Variants in CASKIN1 observed in about 807,000 individuals in gnomAD.
The protein encoded by CASKIN1 is caskin-1.
Under a neutral mutation model 117.5 loss-of-function variants are expected in CASKIN1, and 42 were observed. The observed-to-expected ratio is 0.36, with a 90% confidence interval of 0.28 to 0.46. CASKIN1 has a LOEUF of 0.46. CASKIN1 is among the 20% of genes least tolerant of loss of function. The pLI is 1.00. For synonymous variants in CASKIN1, 1,148 were observed against 961.7 expected (o/e 1.19, Z -3.59); for missense variants, 2,083 against 2,077.3 (o/e 1.00, Z -0.05).
chr16:2,195,819 G>C (rs959997494), intron 1 of CASKIN1, among the ~76,000 whole-genome samples: 12 of 152,216 alleles, frequency 7.9e-5, no homozygotes, highest in African/African-American at 2.9e-4. Flanking sequence ...GCCATGCCAG[G>C]GCAGCCACAC....
At chr16:2,184,750 C>T (rs376084502) in intron 14 of CASKIN1, 27 bp downstream of exon 14, 30 of 1,472,692 alleles carry the variant, frequency 2.0e-5, no homozygotes, top group Middle Eastern at 2.3e-4. Context: ...CCGGAGCCCA[C>T]GCTGAGAACA....
rs559819233 is a variant in CASKIN1, at chr16:2,182,891, T to C, written c.1629+755A>G. 8.5e-4 allele frequency among the ~76,000 whole-genome samples: 129 copies of C among 152,302 alleles called. No individual in the cohort carries two copies. The highest frequency in any genetic ancestry group is 1.7e-3 in the Non-Finnish European group (115 of 68,006). On this transcript the variant is annotated intron_variant, in intron 16 of 19. Coordinates refer to ENST00000343516, the MANE Select transcript of CASKIN1 (RefSeq NM_020764.4). This position sits in a 1 kb window ranked among gnomAD's most constrained non-coding sequence, Gnocchi z 4.1. ...CTGCAAGCTCCGCCTCCCGGGTTCA[T>C]GCCATTCTCCTGCCTCAGACTCCCA...
At position 2,179,951 on chromosome 16, in the gene CASKIN1, C is replaced by G; in HGVS notation, c.3417G>C (p.Lys1139Asn). ...CCGTGTCAGACTCGGTCAGGATGAA[C>G]TTGACGTTCTCCTGCTGGTTCTGCT... ...RAKQNQQENV[K>N]FILTESDTVK... Residue 1139 changes from lysine to asparagine, a missense_variant, in exon 18 of 20, where the codon AAG (lysine) becomes AAC (asparagine). Lys to Asn is a moderately conservative substitution (Grantham distance 94). Coordinates refer to ENST00000343516, the MANE Select transcript of CASKIN1 (RefSeq NM_020764.4). This position sits in a 1 kb window ranked among gnomAD's most constrained non-coding sequence, Gnocchi z 5.8. The G allele has an allele frequency of 6.2e-7, 1 of 1,606,630 alleles. No homozygotes were observed. Among genetic ancestry groups the G allele is most frequent in the South Asian group, 1.1e-5 (1 of 89,944 alleles).
rs915700559 is a variant in CASKIN1 at position 2,196,546 on chromosome 16, T to C, written c.-114A>G. 63 of 258,834 alleles carry C rather than the reference T, an allele frequency of 2.4e-4. No homozygotes were observed. In the East Asian group the frequency reaches 5.0e-3, roughly 20 times the overall value. The allele number at this position is 258,834 out of a possible 1,614,324, so 16.0% of individuals were successfully genotyped here. A position where few individuals can be genotyped will look rare whatever the true frequency, so the allele number is the denominator to read the frequency against. On this transcript the variant is annotated 5_prime_UTR_variant, in exon 1 of 20. Coordinates refer to ENST00000343516, the MANE Select transcript of CASKIN1 (RefSeq NM_020764.4). The surrounding 1 kb of genome is among the most constrained non-coding windows in gnomAD (Gnocchi z 5.7). ...CCCCGCCGCCTCCCCCGCCGCCTCC[T>C]CGCCGCCCGCCGCCCCTTCGCCCTC...
Position 2,182,515 on chromosome 16 carries a change from G to A in CASKIN1, c.1630-586C>T, listed in dbSNP as rs1012834787. Among the ~76,000 whole-genome samples, 8 of 152,012 alleles carry A rather than the reference G, an allele frequency of 5.3e-5. No individual in the cohort carries two copies. Among genetic ancestry groups the A allele is most frequent in the Non-Finnish European group, 1.0e-4 (7 of 68,032 alleles). On this transcript the variant is annotated intron_variant, in intron 16 of 19. Transcript: ENST00000343516. The surrounding 1 kb of genome is among the most constrained non-coding windows in gnomAD (Gnocchi z 4.1). The stretch of plus-strand genomic sequence containing the variant: ...ACACTTCCAGCTGGAATTCACTCAT[G>A]CAACTGCTCTTGAACACTCAGCCAC...
At chr16:2,183,982 G>T (rs1230572913) in intron 14 of CASKIN1, 41 bp from the exon 15 acceptor site, 1 of 1,361,596 alleles carries the variant, frequency 7.3e-7, no homozygotes, top group Middle Eastern at 2.4e-4. Context: ...CGCCTGCCCG[G>T]CCGCGCCCTG....
chr16:2,187,257 G>A lies in CASKIN1; in HGVS notation c.744C>T (p.His248=), dbSNP rs776777818. ...CTGTCTGGCTGTAGGTGTTCCTCAC[G>A]TGGGCATTGATCCCGCTCTGCACAT... is the stretch of plus-strand genomic sequence containing the variant. ...RLLLDSGINA[H]VRNTYSQTAL... Residue 248 remains histidine, a synonymous_variant, in exon 8 of 20, where the codon CAC becomes CAT. Transcript: ENST00000343516. 2.0e-5 allele frequency: 33 copies of A among 1,613,910 alleles called. No individual in the cohort carries two copies. Among genetic ancestry groups the A allele is most frequent in the Admixed American group, 1.0e-4 (6 of 59,998 alleles).
chr16:2,183,616 G>A lies in CASKIN1; in HGVS notation c.1629+30C>T, dbSNP rs769529128. 15 of 1,606,668 alleles carry A rather than the reference G, an allele frequency of 9.3e-6. No homozygotes were observed. In the East Asian group the frequency reaches 3.3e-4, roughly 36 times the overall value. On this transcript the variant is annotated intron_variant, in intron 16 of 19. Transcript: ENST00000343516. Reference sequence around the variant, plus strand: ...CTGTCTGTCTGTCTGCCCGTCCTGGGCCCAGCCCCTGGGATGCAGGTGGCC... The same window carrying A: ...CTGTCTGTCTGTCTGCCCGTCCTGGACCCAGCCCCTGGGATGCAGGTGGCC...
chr16:2,190,666 GGCACACACATGTGCAC>G (rs1385032761), intron 1 of CASKIN1, among the ~76,000 whole-genome samples: 1 of 152,182 alleles, frequency 6.6e-6, no homozygotes, highest in Non-Finnish European at 1.5e-5. Context: ...CACCCACACA[GGCACACACATGTGCAC>G]GCACACCCCT....
intron 12 of CASKIN1, 21 bp downstream of exon 12, chr16:2,185,090 C>T (rs1427924440): frequency 1.9e-6 from 3 of 1,609,100 alleles, no homozygotes; most frequent in African/African-American, 2.7e-5. Context: ...CCACCCTGGC[C>T]CTGGCCACTA....
In CASKIN1 at chr16:2,180,578, G is replaced by C; in HGVS notation, c.2790C>G (p.Val930=). The C allele has an allele frequency of 6.4e-7, 1 of 1,568,996 alleles. No individual in the cohort carries two copies. The highest frequency in any genetic ancestry group is 8.6e-7 in the Non-Finnish European group (1 of 1,164,346). Residue 930 remains valine (V), a synonymous_variant, in exon 18 of 20, where the codon GTC becomes GTG. Coordinates refer to ENST00000343516, the MANE Select transcript of CASKIN1 (RefSeq NM_020764.4). The part of the protein sequence containing the change: ...VRAPAGADKN[V]NRSQSFAVRP... ...GCACGGCAAAGGACTGGCTGCGGTT[G>C]ACGTTCTTGTCGGCACCTGCGGGCG...
intron 1 of CASKIN1, 125 bp from the exon 2 acceptor site, chr16:2,190,483 ACACT>A (rs1344642279): frequency 4.7e-6 from 4 of 848,542 alleles, no homozygotes; most frequent in Middle Eastern, 3.4e-4. Context: ...CAGTCTGCAG[ACACT>A]CACTCGTCCA....
Position 2,183,844 on chromosome 16 carries a change from C to T in CASKIN1, c.1514G>A (p.Arg505His), listed in dbSNP as rs1044937530. 8.1e-6 allele frequency: 13 copies of T among 1,612,642 alleles called. No individual in the cohort carries two copies. Among genetic ancestry groups the T allele is most frequent in the Admixed American group, 3.3e-5 (2 of 59,990 alleles). ...TGGAAAGCTCACCTCGGGAGTCATG[C>T]GGCTGATGGTGGGCAGGTCGTAGCC... ...SAGYDLPTIS[R>H]MTPEDLTAIG... is the part of the protein sequence containing the mutation. Residue 505 changes from arginine (R) to histidine (H), a missense_variant, in exon 15 of 20, where the codon CGC becomes CAC. By Grantham distance (29) the Arg-to-His change is conservative (BLOSUM62 0). This residue lies in a region of CASKIN1 where 1,818 missense variants were observed against 1,688.9 expected (regional missense o/e 1.08). Coordinates refer to ENST00000343516, the MANE Select transcript of CASKIN1 (RefSeq NM_020764.4).
chr16:2,180,488 G>C lies in CASKIN1; in HGVS notation c.2880C>G (p.Ala960=). Residue 960 remains alanine, a synonymous_variant, in exon 18 of 20, where the codon GCC becomes GCG. Transcript: ENST00000343516. ...PKRSSSALAS[A]NLADEPVPDA... The stretch of plus-strand genomic sequence containing the variant: ...CAGGCACCGGCTCATCCGCCAGGTT[G>C]GCACTAGCCAGGGCCGAGCTGGAGC... 6.4e-7 allele frequency: 1 copy of C among 1,550,864 alleles called. No homozygotes were observed. Among genetic ancestry groups the C allele is most frequent in the Non-Finnish European group, 8.7e-7 (1 of 1,154,546 alleles).
Position 2,178,491 on chromosome 16 carries a change from G to T in CASKIN1, c.*59C>A. 3 of 1,384,688 alleles carry T rather than the reference G, an allele frequency of 2.2e-6. No homozygotes were observed. The highest frequency in any genetic ancestry group is 2.9e-6 in the Non-Finnish European group (3 of 1,028,566). 85.8% of individuals were successfully genotyped at this position (1,384,688 alleles called of 1,614,324 possible). Reference sequence around the variant, plus strand: ...CGCGCCCAGACGCGCCCATCCTGAGGTATAGGTCAGTGTGCGGGGAGGGCC... The same window carrying T: ...CGCGCCCAGACGCGCCCATCCTGAGTTATAGGTCAGTGTGCGGGGAGGGCC... On this transcript the variant is annotated 3_prime_UTR_variant, in exon 20 of 20. Transcript: ENST00000343516.
At chr16:2,195,463 C>G (rs914312550) in intron 1 of CASKIN1, among the ~76,000 whole-genome samples, 3 of 152,250 alleles carry the variant, frequency 2.0e-5, no homozygotes, top group African/African-American at 7.2e-5. Context: ...CACGGCTATA[C>G]GTGCGCAGCC....
At chr16:2,189,733 G>A (rs2093195692) in intron 3 of CASKIN1, among the ~76,000 whole-genome samples, 169 bp from the exon 4 acceptor site, 1 of 151,496 alleles carries the variant, frequency 6.6e-6, no homozygotes, top group Non-Finnish European at 1.5e-5. Context: ...TGGGGGCGGG[G>A]GTTTGCTGGG....
rs915055946 is a variant in CASKIN1 at position 2,182,680 on chromosome 16, C to T, written c.1630-751G>A. On this transcript the variant is annotated intron_variant, in intron 16 of 19. Transcript: ENST00000343516. This position sits in a 1 kb window ranked among gnomAD's most constrained non-coding sequence, Gnocchi z 4.1. ...TTTGACAGCCACCGATCGCCTCTCCCGTTGGGAGCCCAGAGCTCAGTGTGA... is the reference window on the plus strand; with the variant it reads ...TTTGACAGCCACCGATCGCCTCTCCTGTTGGGAGCCCAGAGCTCAGTGTGA... Among the ~76,000 whole-genome samples, 1 of 152,358 alleles carries T rather than the reference C, an allele frequency of 6.6e-6. No individual in the cohort carries two copies. The highest frequency in any genetic ancestry group is 1.5e-5 in the Non-Finnish European group (1 of 68,042).
chr16:2,181,572 A>G lies in CASKIN1; in HGVS notation c.1796T>C (p.Val599Ala), dbSNP rs1268539336. 1.3e-6 allele frequency: 2 copies of G among 1,571,428 alleles called. No individual in the cohort carries two copies. The highest frequency in any genetic ancestry group is 1.9e-5 in the Admixed American group (1 of 53,884). Residue 599 changes from valine to alanine, a missense_variant, in exon 18 of 20, where the codon GTG (valine) becomes GCG (alanine). Val to Ala is a moderately conservative substitution (Grantham distance 64). Coordinates refer to ENST00000343516, the MANE Select transcript of CASKIN1 (RefSeq NM_020764.4). ...CTTCTGCAGCTCTGCCAGCTTCCTCACAGCGAGCATCAGCTTCTTCTGGTG... is the reference window on the plus strand; with the variant it reads ...CTTCTGCAGCTCTGCCAGCTTCCTCGCAGCGAGCATCAGCTTCTTCTGGTG... Reference protein sequence around the residue: ...LGHQKKLMLAVRKLAELQKAE... With the variant: ...LGHQKKLMLAARKLAELQKAE...
Sources: gnomAD v4.1 joint callset for allele counts (sites outside exome capture counted in the v4.1 genomes callset) on GRCh38, gnomAD v4.1.1 for gene constraint, gnomAD v4.1.1 regional missense constraint, Gnocchi (gnomAD v3.1) non-coding constraint, MANE v1.5 for transcripts, NCBI Gene and HGNC (gene_info 2026-07-23, HGNC 2026-07-21) for gene names.